Variants in BEND3 observed in about 807,000 individuals in gnomAD.
The protein encoded by BEND3 is BEN domain containing 3, also known as BEN domain-containing protein 3.
A neutral mutation model predicts 60.1 loss-of-function variants in BEND3; 13 were observed. The ratio of observed to expected loss-of-function variants is 0.22; its 90% confidence interval spans 0.14 to 0.34. The LOEUF (loss-of-function observed/expected upper bound fraction) is 0.34. Among genes scored for constraint, BEND3 ranks in the 10% least tolerant of loss-of-function variants. The pLI is 1.00. For synonymous variants in BEND3, 497 were observed against 491.5 expected, an observed-to-expected ratio of 1.01 and a Z score of -0.15; for missense variants, 896 against 1,138.1, an observed-to-expected ratio of 0.79 and a Z score of 3.06.
chr6:107,114,880 G>GGGCGCCC (rs1360409946), intron 1 of BEND3, among the ~76,000 whole-genome samples: 1 of 149,214 alleles, frequency 6.7e-6, no homozygotes, highest in South Asian at 2.1e-4. Context: ...GCGAGCCCGT[G>GGGCGCCC]GGCGCCCGGC....
rs1274211481 is a variant in BEND3, at chr6:107,115,254, TC to T, written c.-177del. ...GCGGGCGGGCGAGCGCCGTGTATTT[TC>T]CCCTCTCTTTGTGTGTGTCCGTGCG... On this transcript the variant is annotated 5_prime_UTR_variant, in exon 1 of 4. An upstream open reading frame in the 5' UTR gains an earlier in-frame stop. Transcript: ENST00000369042. 1 of 149,594 alleles carries T rather than the reference TC, an allele frequency of 6.7e-6. No homozygotes were observed. Among genetic ancestry groups the T allele is most frequent in the Admixed American group, 6.7e-5 (1 of 15,020 alleles). The allele number at this position is 149,594 out of a possible 1,614,324, so 9.3% of individuals were successfully genotyped here.
At chr6:107,106,975 C>T (rs1302413579) in intron 1 of BEND3, among the ~76,000 whole-genome samples, 1 of 145,186 alleles carries the variant, frequency 6.9e-6, no homozygotes, top group Non-Finnish European at 1.5e-5. Context: ...CTCGCTCTGT[C>T]GCCCAGACTG....
At chr6:107,091,027 T>C (rs1158556928) in intron 3 of BEND3, among the ~76,000 whole-genome samples, 2 of 151,852 alleles carry the variant, frequency 1.3e-5, no homozygotes, top group Non-Finnish European at 2.9e-5. Flanking sequence ...GGATAATTGC[T>C]TGAACCTGGA....
chr6:107,071,654 CA>C (rs1252374242), intron 3 of BEND3, among the ~76,000 whole-genome samples: 1 of 152,142 alleles, frequency 6.6e-6, no homozygotes, highest in East Asian at 1.9e-4. Flanking sequence ...GAAAAATCCA[CA>C]AGTATATAAA....
chr6:107,073,197 GTATGTATATATATATATATATATATATA>G (rs1230358624), intron 3 of BEND3, among the ~76,000 whole-genome samples: 674 of 30,208 alleles, frequency 0.022, 66 homozygotes, highest in African/African-American at 0.044. Context: ...GTTTGTATGT[GTATGTATATATATATATATATATATATA>G]TATATATATA....
chr6:107,071,990 C>T (rs1774993139), intron 3 of BEND3, among the ~76,000 whole-genome samples: 1 of 152,192 alleles, frequency 6.6e-6, no homozygotes. Context: ...AATTGTATAC[C>T]TTAAATATGT....
chr6:107,113,102 G>A (rs1770153826), intron 1 of BEND3, among the ~76,000 whole-genome samples: 1 of 151,484 alleles, frequency 6.6e-6, no homozygotes, highest in South Asian at 2.1e-4. Context: ...AAGTTGCAGC[G>A]AGAAGAGATC....
chr6:107,093,649 T>C (rs936957015), intron 3 of BEND3, among the ~76,000 whole-genome samples: 3 of 152,132 alleles, frequency 2.0e-5, no homozygotes, highest in Non-Finnish European at 4.4e-5. Flanking sequence ...TGGAACACAG[T>C]CTTTTCAACA....
At chr6:107,100,324 C>A (rs982248877) in intron 1 of BEND3, among the ~76,000 whole-genome samples, 3 of 152,116 alleles carry the variant, frequency 2.0e-5, no homozygotes, top group African/African-American at 7.2e-5. Flanking sequence ...CTCACTGCAA[C>A]CTCCGCCTCC....
Position 107,099,236 on chromosome 6 carries a change from A to AC in BEND3, c.37+12_37+13insG. On this transcript the variant is annotated intron_variant, in intron 2 of 3. Coordinates refer to ENST00000369042, the MANE Select transcript of BEND3 (RefSeq NM_001367314.1). ...GTTAAAAACATTTTTCAAAAAGGGC[A>AC]TTTTTTTTTTACCTTCTTCTACATC... 6.7e-7 allele frequency: 1 copy of AC among 1,488,032 alleles called. No homozygotes were observed. The highest frequency in any genetic ancestry group is 1.2e-5 in the South Asian group (1 of 82,314). 92.2% of individuals were successfully genotyped at this position (1,488,032 alleles called of 1,614,324 possible).
At chr6:107,102,892 G>A (rs1362233154) in intron 1 of BEND3, among the ~76,000 whole-genome samples, 1 of 152,198 alleles carries the variant, frequency 6.6e-6, no homozygotes, top group Non-Finnish European at 1.5e-5. Flanking sequence ...ACCCAGGACA[G>A]GTAACTCCTC....
At chr6:107,099,922 T>C (rs1357378344) in intron 1 of BEND3, among the ~76,000 whole-genome samples, 13 of 151,790 alleles carry the variant, frequency 8.6e-5, no homozygotes, top group Non-Finnish European at 1.8e-4. Context: ...CTGGCTGGAG[T>C]ACAGTAGCAC....
chr6:107,110,370 TG>T (rs1166417993), intron 1 of BEND3, among the ~76,000 whole-genome samples: 4 of 152,150 alleles, frequency 2.6e-5, no homozygotes, highest in Non-Finnish European at 5.9e-5. Flanking sequence ...TTGACATGTG[TG>T]GGGAACTTGT....
At position 107,070,853 on chromosome 6, in the gene BEND3, G is replaced by A; in HGVS notation, c.338C>T (p.Pro113Leu). The A allele has an allele frequency of 6.2e-7, 1 of 1,613,910 alleles. No homozygotes were observed. Among genetic ancestry groups the A allele is most frequent in the Non-Finnish European group, 8.5e-7 (1 of 1,180,030 alleles). ...GRGRSLGNVWPGEEEPCNDAT... is the reference protein window; with the variant it reads ...GRGRSLGNVWLGEEEPCNDAT... ...ATCGTTGCAGGGCTCCTCCTCTCCA[G>A]GCCACACATTGCCCAGGCTCCTGCC... Residue 113 changes from proline (P) to leucine (L), a missense_variant, in exon 4 of 4, where the codon CCT (proline) becomes CTT (leucine). Coordinates refer to ENST00000369042, the MANE Select transcript of BEND3 (RefSeq NM_001367314.1). This position sits in a 1 kb window ranked among gnomAD's most constrained non-coding sequence, Gnocchi z 6.9.
At chr6:107,089,921 T>C (rs1775439912) in intron 3 of BEND3, among the ~76,000 whole-genome samples, 1 of 151,504 alleles carries the variant, frequency 6.6e-6, no homozygotes, top group Non-Finnish European at 1.5e-5. Flanking sequence ...CTACAATCCC[T>C]ATCAAAATTC....
At chr6:107,109,161 G>T (rs1775885120) in intron 1 of BEND3, among the ~76,000 whole-genome samples, 1 of 151,818 alleles carries the variant, frequency 6.6e-6, no homozygotes, top group African/African-American at 2.4e-5. Context: ...GGTGGGGGCG[G>T]GGGGCGGTCT....
At chr6:107,111,375 G>T (rs1282863313) in intron 1 of BEND3, among the ~76,000 whole-genome samples, 4 of 152,064 alleles carry the variant, frequency 2.6e-5, no homozygotes, top group Non-Finnish European at 5.9e-5. Context: ...GCCGGGTATG[G>T]TAGTGCATGC....
intron 3 of BEND3, among the ~76,000 whole-genome samples, chr6:107,079,804 A>G (rs1554233253): frequency 6.6e-6 from 1 of 151,854 alleles, no homozygotes; most frequent in African/African-American, 2.4e-5. Context: ...TGAGGTATTA[A>G]CTCGTTTGTT....
intron 1 of BEND3, among the ~76,000 whole-genome samples, chr6:107,100,807 A>C (rs1775687755): frequency 6.6e-6 from 1 of 152,234 alleles, no homozygotes; most frequent in Non-Finnish European, 1.5e-5. Context: ...TAATGTTGAC[A>C]CTTGGGAGTT....
Sources: gnomAD v4.1 joint callset for allele counts (sites outside exome capture counted in the v4.1 genomes callset) on GRCh38, gnomAD v4.1.1 for gene constraint, Gnocchi (gnomAD v3.1) non-coding constraint, MANE v1.5 for transcripts, NCBI Gene and HGNC (gene_info 2026-07-23, HGNC 2026-07-21) for gene names.